Variants in ETV6 observed in about 807,000 individuals in gnomAD.
ETV6 encodes the protein transcription factor ETV6.
ETV6 carries 16 observed loss-of-function variants against 51.1 expected under a neutral mutation model. The observed-to-expected ratio is 0.31, with a 90% CI of 0.21 to 0.48. The LOEUF (loss-of-function observed/expected upper bound fraction) is 0.48. Ranked by LOEUF, ETV6 falls within the 20% of genes least tolerant of loss-of-function variation. The probability of loss-of-function intolerance (pLI) is 0.99; values close to 1 mark genes in which losing one functional copy is unlikely to be tolerated. For missense variants in ETV6, 458 were observed against 594.8 expected (o/e 0.77, Z 2.39); for synonymous variants, 240 against 224.1 (o/e 1.07, Z -0.64).
At chr12:11,674,617 G>T (rs1591600475) in intron 1 of ETV6, among the ~76,000 whole-genome samples, 1 of 41,964 alleles carries the variant, frequency 2.4e-5, no homozygotes, top group East Asian at 1.2e-3. Context: ...GGGGTTATTT[G>T]TGTGTGTGTG....
chr12:11,773,470 A>G (rs900547009), intron 2 of ETV6, among the ~76,000 whole-genome samples: 18 of 152,214 alleles, frequency 1.2e-4, no homozygotes, highest in African/African-American at 4.3e-4. Flanking sequence ...GTGAAATTCC[A>G]GTTTCAGAAC....
chr12:11,860,909 G>C (rs1946706926), intron 4 of ETV6, among the ~76,000 whole-genome samples: 1 of 152,136 alleles, frequency 6.6e-6, no homozygotes, highest in Admixed American at 6.5e-5. Flanking sequence ...AAGGGCCATT[G>C]CCTCCCTCAC....
At chr12:11,839,983 G>A (rs1946367127) in intron 3 of ETV6, among the ~76,000 whole-genome samples, 1 of 152,192 alleles carries the variant, frequency 6.6e-6, no homozygotes, top group South Asian at 2.1e-4. Context: ...AGAGAGGAAG[G>A]AGAAGGACGT....
chr12:11,743,077 G>T (rs1865840093), intron 1 of ETV6, among the ~76,000 whole-genome samples: 1 of 151,944 alleles, frequency 6.6e-6, no homozygotes, highest in African/African-American at 2.4e-5. Context: ...CAAAGTATTG[G>T]GATTACAGGT....
chr12:11,679,464 G>C (rs1332454292), intron 1 of ETV6, among the ~76,000 whole-genome samples: 1 of 152,234 alleles, frequency 6.6e-6, no homozygotes, highest in Admixed American at 6.5e-5. Context: ...AAGCTTGCTA[G>C]TTCTTCTCAC....
intron 2 of ETV6, among the ~76,000 whole-genome samples, chr12:11,793,143 G>A (rs970652699): frequency 6.6e-6 from 1 of 151,892 alleles, no homozygotes; most frequent in African/African-American, 2.4e-5. Context: ...ACTGATATCG[G>A]AGCTTTCAGT....
intron 4 of ETV6, among the ~76,000 whole-genome samples, chr12:11,868,094 G>C (rs541800372): frequency 6.6e-6 from 1 of 152,322 alleles, no homozygotes; most frequent in South Asian, 2.1e-4. Context: ...ACTTCTGCCT[G>C]TCTCTGAGCA....
intron 1 of ETV6, among the ~76,000 whole-genome samples, chr12:11,661,886 G>A (rs1180186912): frequency 6.6e-6 from 1 of 152,214 alleles, no homozygotes; most frequent in Non-Finnish European, 1.5e-5. Flanking sequence ...GAAGTCAGCT[G>A]TAGGTCAGAT....
intron 3 of ETV6, 109 bp from the exon 4 acceptor site, chr12:11,853,318 C>A: frequency 7.5e-7 from 1 of 1,340,762 alleles, no homozygotes; most frequent in Admixed American, 1.8e-5. Flanking sequence ...GGCAGGTGCG[C>A]TCCAATTGTA....
At chr12:11,662,639 G>A (rs1864121000) in intron 1 of ETV6, among the ~76,000 whole-genome samples, 1 of 152,194 alleles carries the variant, frequency 6.6e-6, no homozygotes, top group Admixed American at 6.5e-5. Flanking sequence ...CTTATATGTA[G>A]GTTATAGGTG....
At chr12:11,762,309 G>A (rs761303305) in intron 2 of ETV6, among the ~76,000 whole-genome samples, 20 of 152,212 alleles carry the variant, frequency 1.3e-4, no homozygotes, top group Non-Finnish European at 2.6e-4. Flanking sequence ...ACATGCACAG[G>A]TGTGGCTTCT....
At position 11,838,421 on chromosome 12, in the gene ETV6, C is replaced by A. The variant is rs188145693; in HGVS notation, c.164-719C>A. 2.4e-4 allele frequency among the ~76,000 whole-genome samples: 36 copies of A among 152,288 alleles called. No homozygotes were observed. The East Asian group carries it at 6.2e-3, about 26-fold the overall frequency. ...CCAACCTCTCAGCCCCTGCTCTGTA[C>A]CCCCCTCCTGCCCACTTGGTTCCTA... On this transcript the variant is annotated intron_variant, in intron 2 of 7. Coordinates refer to ENST00000396373, the MANE Select transcript of ETV6 (RefSeq NM_001987.5).
At chr12:11,798,401 A>C (rs774571185) in intron 2 of ETV6, among the ~76,000 whole-genome samples, 2 of 152,220 alleles carry the variant, frequency 1.3e-5, no homozygotes, top group Non-Finnish European at 2.9e-5. Context: ...CATGCTGGTC[A>C]TGCCCCAGTA....
chr12:11,883,828 G>A (rs888863916), intron 5 of ETV6, among the ~76,000 whole-genome samples: 6 of 152,100 alleles, frequency 3.9e-5, no homozygotes, highest in African/African-American at 1.2e-4. Context: ...GAGAATATCT[G>A]TATCTCTTTT....
rs1245091387 is a variant in ETV6 at position 11,881,214 on chromosome 12, GATTATA to G, written c.1010-3223_1010-3218del. Among the ~76,000 whole-genome samples, 8 of 152,132 alleles carry G rather than the reference GATTATA, an allele frequency of 5.3e-5. No homozygotes were observed. In the South Asian group the frequency reaches 6.2e-4, roughly 12 times the overall value. ...CCCTGCCTCCCAAAACAAACATTGG[GATTATA>G]ATTATAAGCCACCACACCCAACCCT... On this transcript the variant is annotated intron_variant, in intron 5 of 7. Coordinates refer to ENST00000396373, the MANE Select transcript of ETV6 (RefSeq NM_001987.5).
intron 5 of ETV6, among the ~76,000 whole-genome samples, chr12:11,874,866 A>C (rs936132715): frequency 7.0e-6 from 1 of 143,390 alleles, no homozygotes; most frequent in African/African-American, 2.6e-5. Flanking sequence ...TGGACACAGG[A>C]AGGGGAACAT....
chr12:11,766,057 T>A (rs1403160848), intron 2 of ETV6, among the ~76,000 whole-genome samples: 2 of 151,886 alleles, frequency 1.3e-5, no homozygotes, highest in African/African-American at 4.8e-5. Context: ...CACGGGAGAA[T>A]GAAGAAGCAG....
intron 2 of ETV6, among the ~76,000 whole-genome samples, chr12:11,757,098 A>T (rs78388222): frequency 0.021 from 3,145 of 152,316 alleles, 50 homozygotes; most frequent in Middle Eastern, 0.082. Flanking sequence ...ATAAATAGCC[A>T]TAATAGCCGC....
Position 11,760,893 on chromosome 12 carries a change from TG to T in ETV6, c.163+8315del, listed in dbSNP as rs1432573308. 6.5e-3 allele frequency among the ~76,000 whole-genome samples: 936 copies of T among 143,034 alleles called. 10 individuals carry two copies. The highest frequency in any genetic ancestry group is 0.038 in the South Asian group (171 of 4,464). The allele number at this position is 143,034 out of a possible 152,430, so 93.8% of individuals were successfully genotyped here. Reference sequence around the variant, plus strand: ...TATTATATATATGTGTGTGTGTGTGTGTGTGTGTGTGTGTGTATATAAAAGT... The same window carrying T: ...TATTATATATATGTGTGTGTGTGTGTTGTGTGTGTGTGTGTATATAAAAGT... On this transcript the variant is annotated intron_variant, in intron 2 of 7. Transcript: ENST00000396373.
Sources: allele counts gnomAD v4.1 joint callset (sites outside exome capture counted in the v4.1 genomes callset), GRCh38; gene constraint gnomAD v4.1.1; transcripts MANE v1.5; gene names NCBI Gene and HGNC (gene_info 2026-07-23, HGNC 2026-07-21).